AKAP6: variants seen among roughly 807,000 people sequenced by gnomAD.
AKAP6 encodes the protein A-kinase anchoring protein 6.
A neutral mutation model predicts 188.5 loss-of-function variants in AKAP6; 58 were observed. That is an observed-to-expected ratio of 0.31 (90% CI 0.25 to 0.38). The LOEUF (loss-of-function observed/expected upper bound fraction) is 0.38, where lower values mean the gene tolerates loss of function less well. AKAP6 is among the 10% of genes least tolerant of loss of function. The pLI, the probability that AKAP6 is intolerant of heterozygous loss-of-function variation, is 1.00. For missense variants in AKAP6, 2,710 were observed against 2,740.0 expected, an observed-to-expected ratio of 0.99 and a Z score of 0.24; for synonymous variants, 989 against 998.6, an observed-to-expected ratio of 0.99 and a Z score of 0.18.
intron 5 of AKAP6, among the ~76,000 whole-genome samples, chr14:32,579,336 A>G (rs1021862489): frequency 1.6e-4 from 24 of 152,150 alleles, no homozygotes; most frequent in Admixed American, 2.6e-4. Context: ...GTTTCTGCCT[A>G]ATGATCAACA....
At chr14:32,421,024 TTTTC>T (rs960760164) in intron 1 of AKAP6, among the ~76,000 whole-genome samples, 1 of 152,042 alleles carries the variant, frequency 6.6e-6, no homozygotes, top group African/African-American at 2.4e-5. Context: ...TTAGAATTAT[TTTTC>T]TTTCTTATGT....
chr14:32,456,554 T>C (rs1226242387), intron 2 of AKAP6, among the ~76,000 whole-genome samples: 1 of 152,252 alleles, frequency 6.6e-6, no homozygotes, highest in Non-Finnish European at 1.5e-5. Context: ...TCTTTTAAAG[T>C]GAATTATGCT....
chr14:32,598,531 C>T (rs1885796741), intron 5 of AKAP6, among the ~76,000 whole-genome samples: 1 of 152,126 alleles, frequency 6.6e-6, no homozygotes, highest in South Asian at 2.1e-4. Context: ...TTCCTGCAAA[C>T]ATCTATTGAA....
intron 9 of AKAP6, among the ~76,000 whole-genome samples, chr14:32,728,031 C>T (rs1405952526): frequency 1.3e-5 from 2 of 152,088 alleles, no homozygotes; most frequent in African/African-American, 2.4e-5. Flanking sequence ...TCCTGCACTC[C>T]GCATGGACAG....
In AKAP6 at chr14:32,666,415, A is replaced by G. The variant is rs541873357; in HGVS notation, c.2731-11896A>G. On this transcript the variant is annotated intron_variant, in intron 7 of 13. Transcript: ENST00000280979. Reference sequence around the variant, plus strand: ...TTTCAAGTAAATTTATATTAGTTACAGTCTCCAGCTGTTTTAGATATAGGA... The same window carrying G: ...TTTCAAGTAAATTTATATTAGTTACGGTCTCCAGCTGTTTTAGATATAGGA... Among the ~76,000 whole-genome samples the G allele has an allele frequency of 2.0e-5, 3 of 152,206 alleles. No homozygotes were observed. The East Asian group carries it at 5.8e-4, about 29-fold the overall frequency.
chr14:32,652,648 A>T (rs949775868), intron 7 of AKAP6, among the ~76,000 whole-genome samples: 6 of 152,178 alleles, frequency 3.9e-5, no homozygotes, highest in African/African-American at 1.4e-4. Context: ...AGCCAGGAAG[A>T]CTTTACTCTC....
chr14:32,626,485 G>A (rs1009671517), intron 7 of AKAP6, among the ~76,000 whole-genome samples: 1 of 152,070 alleles, frequency 6.6e-6, no homozygotes. Flanking sequence ...TTAAAAAGAT[G>A]TTGACAATTT....
At chr14:32,501,836 A>C (rs574650630) in intron 2 of AKAP6, among the ~76,000 whole-genome samples, 1 of 152,276 alleles carries the variant, frequency 6.6e-6, no homozygotes, top group South Asian at 2.1e-4. Context: ...CAGCTCTTGC[A>C]GTAAACCTAT....
intron 5 of AKAP6, among the ~76,000 whole-genome samples, chr14:32,587,841 C>A (rs1266019428): frequency 6.6e-6 from 1 of 152,074 alleles, no homozygotes; most frequent in African/African-American, 2.4e-5. Flanking sequence ...GGAGCAGGAC[C>A]AAGACCCTAG....
At chr14:32,765,719 A>AAC (rs1555360540) in intron 11 of AKAP6, among the ~76,000 whole-genome samples, 3 of 151,832 alleles carry the variant, frequency 2.0e-5, no homozygotes, top group African/African-American at 7.3e-5. Flanking sequence ...AAAAAAAAAA[A>AAC]AAAAACCTAC....
chr14:32,535,425 C>G (rs1489989528), intron 2 of AKAP6, 129 bp from the exon 3 acceptor site: 1 of 1,100,482 alleles, frequency 9.1e-7, no homozygotes, highest in African/African-American at 1.6e-5. Flanking sequence ...ACAAAGGCCC[C>G]AGGTATCCAA....
chr14:32,535,210 C>T (rs2139114819), intron 2 of AKAP6, among the ~76,000 whole-genome samples: 1 of 152,150 alleles, frequency 6.6e-6, no homozygotes, highest in South Asian at 2.1e-4. Context: ...ATAAAACAGC[C>T]ACTGGTTCCC....
At chr14:32,420,621 A>G (rs181165913) in intron 1 of AKAP6, among the ~76,000 whole-genome samples, 8 of 152,172 alleles carry the variant, frequency 5.3e-5, no homozygotes, top group African/African-American at 1.9e-4. Context: ...CCAATTCTCT[A>G]CTAGTTGGGT....
At chr14:32,684,799 A>G (rs2139659550) in intron 8 of AKAP6, among the ~76,000 whole-genome samples, 1 of 152,278 alleles carries the variant, frequency 6.6e-6, no homozygotes, top group Non-Finnish European at 1.5e-5. Context: ...AATACCTAGA[A>G]TGCAATAAAT....
intron 2 of AKAP6, among the ~76,000 whole-genome samples, chr14:32,438,192 C>T (rs1023103404): frequency 1.1e-4 from 16 of 152,302 alleles, no homozygotes; most frequent in Admixed American, 9.2e-4. Context: ...TGGGGCATTG[C>T]TCTCCCACTA....
intron 7 of AKAP6, among the ~76,000 whole-genome samples, chr14:32,619,763 A>G (rs887029312): frequency 6.6e-6 from 1 of 152,080 alleles, no homozygotes; most frequent in East Asian, 1.9e-4. Flanking sequence ...GCTTTGAGCA[A>G]TATGGTCATT....
intron 2 of AKAP6, among the ~76,000 whole-genome samples, chr14:32,493,387 C>A (rs1216304122): frequency 1.3e-5 from 2 of 151,778 alleles, no homozygotes; most frequent in Non-Finnish European, 2.9e-5. Flanking sequence ...TATTTTAATT[C>A]TTTTGTAGAG....
chr14:32,439,237 C>T (rs1449874287), intron 2 of AKAP6, among the ~76,000 whole-genome samples: 3 of 152,144 alleles, frequency 2.0e-5, no homozygotes, highest in Non-Finnish European at 2.9e-5. Context: ...GTCTGGAGGG[C>T]CTACTGGGAA....
intron 11 of AKAP6, among the ~76,000 whole-genome samples, chr14:32,769,402 T>C (rs1040223508): frequency 2.6e-5 from 4 of 151,996 alleles, no homozygotes; most frequent in Non-Finnish European, 4.4e-5. Context: ...ACTTCCCTTC[T>C]CTCTCCAGCT....
Sources: allele counts gnomAD v4.1 joint callset (sites outside exome capture counted in the v4.1 genomes callset), GRCh38; gene constraint gnomAD v4.1.1; transcripts MANE v1.5; gene names NCBI Gene and HGNC (gene_info 2026-07-23, HGNC 2026-07-21).